Variants in SLIT2 observed in about 807,000 individuals in gnomAD.
SLIT2 encodes slit homolog 2 protein.
SLIT2 carries 41 observed loss-of-function variants against 185.7 expected under a neutral mutation model. The observed-to-expected ratio is 0.22, with a 90% CI of 0.17 to 0.29. The LOEUF (loss-of-function observed/expected upper bound fraction) is 0.29, where lower values mean the gene tolerates loss of function less well. Among genes scored for constraint, SLIT2 ranks in the 10% least tolerant of loss-of-function variants. The pLI is 1.00. For missense variants in SLIT2, 1,571 were observed against 1,909.0 expected (o/e 0.82, Z 3.30); for synonymous variants, 693 against 680.2 (o/e 1.02, Z -0.29).
At chr4:20,486,638 C>G (rs1322684684) in intron 7 of SLIT2, among the ~76,000 whole-genome samples, 2 of 152,118 alleles carry the variant, frequency 1.3e-5, no homozygotes, top group Non-Finnish European at 2.9e-5. Flanking sequence ...TAAAGCTAAA[C>G]TGGTTCTTCA....
At position 20,272,271 on chromosome 4, in the gene SLIT2, TA is replaced by T. The variant is rs5856553; in HGVS notation, c.395+3404del. ...AAATAAGGGACGATAGGTTGGAGGT[TA>T]AAAAAAAAAAAAATAAGCCAGCATG... On this transcript the variant is annotated intron_variant, in intron 4 of 36. Coordinates refer to ENST00000504154, the MANE Select transcript of SLIT2 (RefSeq NM_004787.4). Among the ~76,000 whole-genome samples, 1,017 of 144,914 alleles carry T rather than the reference TA, an allele frequency of 7.0e-3. 2 individuals are homozygous for T. Among genetic ancestry groups the T allele is most frequent in the Admixed American group, 9.1e-3 (132 of 14,522 alleles).
At position 20,546,023 on chromosome 4, in the gene SLIT2, G is replaced by A; in HGVS notation, c.2277-8G>A. The A allele has an allele frequency of 1.3e-6, 2 of 1,501,250 alleles. No individual in the cohort carries two copies. The highest frequency in any genetic ancestry group is 1.8e-6 in the Non-Finnish European group (2 of 1,085,830). The allele number at this position is 1,501,250 out of a possible 1,614,324, so 93.0% of individuals were successfully genotyped here. On this transcript the variant is annotated splice_polypyrimidine_tract_variant and splice_region_variant and intron_variant, in intron 21 of 36. Transcript: ENST00000504154. ...TGTAAGAAGATAATATTGTTCCATT[G>A]TTTTTAGGTATCTGGATGGAAACCA... is the stretch of plus-strand genomic sequence containing the variant.
intron 4 of SLIT2, among the ~76,000 whole-genome samples, chr4:20,283,120 GCACACACACACA>G (rs55949957): frequency 6.7e-6 from 1 of 149,850 alleles, no homozygotes; most frequent in Non-Finnish European, 1.5e-5. Context: ...GTGCGCGCGC[GCACACACACACA>G]CACACACACA....
At chr4:20,541,737 T>G (rs1229121368) in intron 20 of SLIT2, 118 bp downstream of exon 20, 2 of 941,574 alleles carry the variant, frequency 2.1e-6, no homozygotes, top group Middle Eastern at 2.2e-4. Flanking sequence ...TATCTTTTGC[T>G]TTGTCGTTTG....
chr4:20,291,016 C>T (rs1715759238), intron 4 of SLIT2, among the ~76,000 whole-genome samples: 1 of 151,906 alleles, frequency 6.6e-6, no homozygotes, highest in Non-Finnish European at 1.5e-5. Context: ...AGGGGTGGCC[C>T]AGCATCCTGT....
At chr4:20,459,849 T>G (rs918020512) in intron 4 of SLIT2, among the ~76,000 whole-genome samples, 3 of 150,010 alleles carry the variant, frequency 2.0e-5, no homozygotes, top group Non-Finnish European at 2.9e-5. Flanking sequence ...ATCTTGCAAA[T>G]TGCCATGTTT....
intron 1 of SLIT2, among the ~76,000 whole-genome samples, chr4:20,256,383 A>C: frequency 6.6e-6 from 1 of 152,118 alleles, no homozygotes; most frequent in East Asian, 1.9e-4. Flanking sequence ...CAATCCTTAC[A>C]GAAACAAAAA....
intron 6 of SLIT2, among the ~76,000 whole-genome samples, chr4:20,485,701 G>C (rs1366814531): frequency 2.6e-5 from 4 of 152,194 alleles, no homozygotes; most frequent in Admixed American, 2.6e-4. Flanking sequence ...GCTGATGTCT[G>C]CGGTAAATAA....
intron 4 of SLIT2, among the ~76,000 whole-genome samples, chr4:20,428,484 T>C (rs977145639): frequency 6.6e-6 from 1 of 152,194 alleles, no homozygotes. Flanking sequence ...AACGTAGTTG[T>C]ATTTGTGTGA....
At chr4:20,406,763 A>G (rs67927265) in intron 4 of SLIT2, among the ~76,000 whole-genome samples, 24,056 of 143,454 alleles carry the variant, frequency 0.17, 5,169 homozygotes, top group East Asian at 0.35. Flanking sequence ...GTATATACTA[A>G]AATTAAACTT....
In SLIT2 at chr4:20,544,365, CTT is replaced by C. The variant is rs563534678; in HGVS notation, c.2277-1664_2277-1663del. Among the ~76,000 whole-genome samples, 143 of 152,298 alleles carry C rather than the reference CTT, an allele frequency of 9.4e-4. 1 individual carries two copies. The highest frequency in any genetic ancestry group is 1.7e-3 in the Non-Finnish European group (115 of 68,022). On this transcript the variant is annotated intron_variant, in intron 21 of 36. Coordinates refer to ENST00000504154, the MANE Select transcript of SLIT2 (RefSeq NM_004787.4). ...ACTTTACTCTATTCCCATTAAATAA[CTT>C]TAAACATTTCTTACTAAGCTCCATT...
intron 4 of SLIT2, among the ~76,000 whole-genome samples, chr4:20,410,135 C>A (rs190068462): frequency 7.3e-4 from 110 of 151,312 alleles, no homozygotes; most frequent in Non-Finnish European, 1.2e-3. Context: ...GTCATGAAAT[C>A]TTTGCCTGTG....
chr4:20,341,395 C>CT (rs1488554628), intron 4 of SLIT2, among the ~76,000 whole-genome samples: 1 of 152,226 alleles, frequency 6.6e-6, no homozygotes, highest in African/African-American at 2.4e-5. Flanking sequence ...GGCAGCCCCA[C>CT]TTACTGTTTT....
chr4:20,305,788 G>T (rs762937909), intron 4 of SLIT2, among the ~76,000 whole-genome samples: 1 of 151,526 alleles, frequency 6.6e-6, no homozygotes, highest in Non-Finnish European at 1.5e-5. Context: ...CAGGAGAATT[G>T]CTTGAACCTG....
chr4:20,255,083 C>T, intron 1 of SLIT2: 1 of 455,984 alleles, frequency 2.2e-6, no homozygotes, highest in African/African-American at 2.0e-5. Flanking sequence ...TAGGCACGTT[C>T]CGCTCTCGCG....
chr4:20,607,748 G>A (rs1467884157), intron 33 of SLIT2, among the ~76,000 whole-genome samples: 3 of 152,042 alleles, frequency 2.0e-5, no homozygotes, highest in Non-Finnish European at 4.4e-5. Flanking sequence ...TCCATTCCTT[G>A]GTAATATATG....
At chr4:20,296,714 C>T (rs1716521338) in intron 4 of SLIT2, among the ~76,000 whole-genome samples, 1 of 152,162 alleles carries the variant, frequency 6.6e-6, no homozygotes, top group Non-Finnish European at 1.5e-5. Flanking sequence ...ACCACCCTGA[C>T]TCAGTGTGAT....
chr4:20,292,255 A>G (rs1437718567), intron 4 of SLIT2, among the ~76,000 whole-genome samples: 1 of 152,196 alleles, frequency 6.6e-6, no homozygotes, highest in Non-Finnish European at 1.5e-5. Flanking sequence ...TTCTAATAAA[A>G]GAGACACGTT....
At chr4:20,424,033 T>G (rs1728365379) in intron 4 of SLIT2, among the ~76,000 whole-genome samples, 1 of 152,158 alleles carries the variant, frequency 6.6e-6, no homozygotes, top group African/African-American at 2.4e-5. Context: ...TTAGATTGCT[T>G]CATAAAATTA....
Sources: allele counts gnomAD v4.1 joint callset (sites outside exome capture counted in the v4.1 genomes callset), GRCh38; gene constraint gnomAD v4.1.1; transcripts MANE v1.5; gene names NCBI Gene and HGNC (gene_info 2026-07-23, HGNC 2026-07-21).